Variants in CSMD3 observed in about 807,000 individuals in gnomAD.
CSMD3 encodes CUB and Sushi multiple domains 3, also known as CUB and sushi domain-containing protein 3.
CSMD3 carries 177 observed loss-of-function variants against 435.2 expected under a neutral mutation model. The observed-to-expected ratio is 0.41, with a 90% CI of 0.36 to 0.46. The LOEUF (loss-of-function observed/expected upper bound fraction) is 0.46, where lower values mean the gene tolerates loss of function less well. Ranked by LOEUF, CSMD3 falls within the 20% of genes least tolerant of loss-of-function variation. CSMD3 has a pLI of 0.34. For synonymous variants in CSMD3, 1,656 were observed against 1,520.5 expected (o/e 1.09, Z -2.07); for missense variants, 4,265 against 4,504.6 (o/e 0.95, Z 1.52).
intron 1 of CSMD3, chr8:113,377,215 A>G: frequency 6.9e-6 from 7 of 1,007,666 alleles, no homozygotes; most frequent in Non-Finnish European, 8.9e-6. Flanking sequence ...AGCGCGCGAG[A>G]GACCGAAGGG....
chr8:113,314,540 C>A (rs1234765003), intron 2 of CSMD3, 31 bp downstream of exon 2: 2 of 1,276,224 alleles, frequency 1.6e-6, no homozygotes, highest in Non-Finnish European at 1.1e-6. Flanking sequence ...GAAATATTTT[C>A]TCTCCAGTCT....
At chr8:113,206,980 G>A (rs2092777868) in intron 3 of CSMD3, among the ~76,000 whole-genome samples, 1 of 151,860 alleles carries the variant, frequency 6.6e-6, no homozygotes, top group Non-Finnish European at 1.5e-5. Context: ...ATGAAATTTC[G>A]GCATCTAGTT....
intron 7 of CSMD3, 94 bp downstream of exon 7, chr8:112,975,743 T>G (rs1177944266): frequency 1.3e-6 from 2 of 1,590,114 alleles, no homozygotes; most frequent in African/African-American, 1.4e-5. Context: ...TTCTATATCT[T>G]GGCTCTCTTT....
intron 4 of CSMD3, among the ~76,000 whole-genome samples, chr8:113,144,380 G>A (rs2091622478): frequency 6.6e-6 from 1 of 151,262 alleles, no homozygotes; most frequent in Non-Finnish European, 1.5e-5. Context: ...AACTCTGCTG[G>A]CCATAGAGCA....
chr8:112,318,704 A>G, intron 47 of CSMD3, 133 bp downstream of exon 47: 1 of 654,172 alleles, frequency 1.5e-6, no homozygotes, highest in Non-Finnish European at 2.7e-6. Context: ...AGCACATATG[A>G]GTTATAAAAT....
At chr8:112,260,950 T>C (rs1246634105) in intron 61 of CSMD3, among the ~76,000 whole-genome samples, 1 of 152,138 alleles carries the variant, frequency 6.6e-6, no homozygotes, top group African/African-American at 2.4e-5. Flanking sequence ...ACCCCTTAAA[T>C]TTATAAAGTT....
intron 32 of CSMD3, among the ~76,000 whole-genome samples, chr8:112,471,397 T>C (rs1397528116): frequency 6.6e-6 from 1 of 152,212 alleles, no homozygotes; most frequent in Non-Finnish European, 1.5e-5. Context: ...TTTTTCTTTC[T>C]AAACTGTCGT....
intron 6 of CSMD3, among the ~76,000 whole-genome samples, chr8:112,990,104 T>A (rs970626450): frequency 6.6e-6 from 1 of 152,004 alleles, no homozygotes; most frequent in African/African-American, 2.4e-5. Context: ...CGTGGAAATG[T>A]GAGTCAATTA....
At chr8:113,431,083 G>C (rs1218884996) in intron 1 of CSMD3, among the ~76,000 whole-genome samples, 1 of 152,110 alleles carries the variant, frequency 6.6e-6, no homozygotes, top group Admixed American at 6.6e-5. Flanking sequence ...AGCCTCACAA[G>C]GGGCCCAATT....
chr8:113,417,902 G>A (rs72673227), intron 1 of CSMD3, among the ~76,000 whole-genome samples: 31,303 of 150,928 alleles, frequency 0.21, 4,223 homozygotes, highest in East Asian at 0.47. Flanking sequence ...GATTACAGGA[G>A]GATAAAAAAG....
intron 32 of CSMD3, among the ~76,000 whole-genome samples, chr8:112,464,846 T>C (rs2130704354): frequency 6.6e-6 from 1 of 152,274 alleles, no homozygotes; most frequent in East Asian, 1.9e-4. Flanking sequence ...AGGCACACCC[T>C]ATAATCTAAA....
chr8:113,167,104 C>G (rs1183673568), intron 4 of CSMD3, among the ~76,000 whole-genome samples: 1 of 152,052 alleles, frequency 6.6e-6, no homozygotes, highest in African/African-American at 2.4e-5. Flanking sequence ...AGAGTCTACT[C>G]TTTCCAGAGT....
chr8:113,308,330 G>A (rs1331603945), intron 2 of CSMD3, among the ~76,000 whole-genome samples: 1 of 132,190 alleles, frequency 7.6e-6, no homozygotes, highest in Non-Finnish European at 1.6e-5. Flanking sequence ...GTGCAGTGGC[G>A]CGATCTCGGC....
chr8:113,060,622 T>C (rs1335061261), intron 5 of CSMD3, among the ~76,000 whole-genome samples: 1 of 152,154 alleles, frequency 6.6e-6, no homozygotes, highest in Non-Finnish European at 1.5e-5. Flanking sequence ...TTTTAAGCTA[T>C]GGTATTCATG....
intron 1 of CSMD3, among the ~76,000 whole-genome samples, chr8:113,357,267 T>C (rs1369584251): frequency 3.3e-5 from 5 of 152,212 alleles, no homozygotes; most frequent in African/African-American, 1.2e-4. Context: ...TGTGAGCTGG[T>C]TGTGTTATTT....
intron 31 of CSMD3, among the ~76,000 whole-genome samples, chr8:112,476,560 C>T (rs1306277867): frequency 6.6e-6 from 1 of 152,010 alleles, no homozygotes; most frequent in East Asian, 1.9e-4. Context: ...ACATACTTTG[C>T]AAAAGGCCAA....
intron 4 of CSMD3, among the ~76,000 whole-genome samples, chr8:113,121,719 A>T (rs995189262): frequency 2.0e-5 from 3 of 152,140 alleles, no homozygotes; most frequent in Non-Finnish European, 2.9e-5. Context: ...TCACACAGTT[A>T]GACAGCATTC....
intron 1 of CSMD3, among the ~76,000 whole-genome samples, chr8:113,415,114 A>G (rs868037600): frequency 1.3e-5 from 2 of 152,344 alleles, no homozygotes; most frequent in Middle Eastern, 6.8e-3. Flanking sequence ...TGGATCATGA[A>G]GGCAATTGTA....
intron 5 of CSMD3, among the ~76,000 whole-genome samples, chr8:113,039,378 T>C (rs2131278628): frequency 6.6e-6 from 1 of 152,308 alleles, no homozygotes; most frequent in Admixed American, 6.5e-5. Flanking sequence ...CTTAATTAAA[T>C]GGGTTGCTTA....
Sources: gnomAD v4.1 joint callset for allele counts (sites outside exome capture counted in the v4.1 genomes callset) on GRCh38, gnomAD v4.1.1 for gene constraint, MANE v1.5 for transcripts, NCBI Gene and HGNC (gene_info 2026-07-23, HGNC 2026-07-21) for gene names.